Variants in ABCC8 observed in about 807,000 individuals in gnomAD.
ABCC8 encodes the protein ATP-binding cassette sub-family C member 8.
ABCC8 carries 137 observed loss-of-function variants against 188.0 expected under a neutral mutation model. That is an observed-to-expected ratio of 0.73 (90% CI 0.63 to 0.84). The LOEUF (loss-of-function observed/expected upper bound fraction) is 0.84, where lower values mean the gene tolerates loss of function less well. Among genes scored for constraint, ABCC8 ranks in the 40% least tolerant of loss-of-function variants. The pLI, the probability that ABCC8 is intolerant of heterozygous loss-of-function variation, is 0.00. For missense variants in ABCC8, 1,750 were observed against 2,072.7 expected (o/e 0.84, Z 3.02); for synonymous variants, 797 against 846.5 (o/e 0.94, Z 1.01).
At position 17,406,894 on chromosome 11, in the gene ABCC8, G is replaced by A. The variant is rs145811577; in HGVS notation, c.3156C>T (p.Leu1052=). Residue 1052 remains leucine, a synonymous_variant, in exon 25 of 39, where the codon CTC becomes CTT. Coordinates refer to ENST00000389817, the MANE Select transcript of ABCC8 (RefSeq NM_000352.6). The part of the protein sequence containing the change: ...TLTPAARNCS[L]SQECTLDQTV... ...CATGGGCCGCCAGTCACACCTGGCT[G>A]AGGGAGCAGTTCCTGGCTGCAGGGG... is the stretch of plus-strand genomic sequence containing the variant. 6.8e-6 allele frequency: 11 copies of A among 1,614,042 alleles called. No homozygotes were observed. The African/African-American group carries it at 1.2e-4, about 18-fold the overall frequency.
At chr11:17,394,239 G>C in intron 37 of ABCC8, 27 bp downstream of exon 37, 1 of 1,610,664 alleles carries the variant, frequency 6.2e-7, no homozygotes. Flanking sequence ...CCAAGACCAT[G>C]GTCCCATGGA....
At chr11:17,473,549 G>T (rs1336266554) in intron 2 of ABCC8, among the ~76,000 whole-genome samples, 2 of 152,006 alleles carry the variant, frequency 1.3e-5, no homozygotes, top group East Asian at 3.9e-4. Context: ...AGCTCAGGGG[G>T]CGCTGGACCT....
At chr11:17,403,739 GT>G (rs1954365380) in intron 28 of ABCC8, among the ~76,000 whole-genome samples, 1 of 152,014 alleles carries the variant, frequency 6.6e-6, no homozygotes, top group African/African-American at 2.4e-5. Context: ...CAACACAAAG[GT>G]TTCATGAAGC....
At chr11:17,459,801 C>T (rs191786864) in intron 6 of ABCC8, among the ~76,000 whole-genome samples, 3 of 152,298 alleles carry the variant, frequency 2.0e-5, no homozygotes, top group East Asian at 1.9e-4. Flanking sequence ...CAAATAACCC[C>T]GGGGAAAGGT....
rs147666518 is a variant in ABCC8 at position 17,468,474 on chromosome 11, G to A, written c.412+1627C>T. Among the ~76,000 whole-genome samples the A allele has an allele frequency of 3.9e-3, 598 of 152,278 alleles. 3 individuals carry two copies. Among genetic ancestry groups the A allele is most frequent in the African/African-American group, 0.014 (568 of 41,560 alleles). On this transcript the variant is annotated intron_variant, in intron 3 of 38. Transcript: ENST00000389817. The stretch of plus-strand genomic sequence containing the variant: ...TTTACCCCAAGGACGAAGTCTGAGG[G>A]CCCTTAGACACGCAGTCTCAGAAAT...
chr11:17,393,303 A>G, intron 38 of ABCC8, 175 bp from the exon 39 acceptor site: 1 of 849,964 alleles, frequency 1.2e-6, no homozygotes, highest in Non-Finnish European at 1.8e-6. Context: ...CAAGCTCTCC[A>G]TCTGCTAATA....
At chr11:17,398,710 C>T (rs1201683196) in intron 29 of ABCC8, among the ~76,000 whole-genome samples, 1 of 152,298 alleles carries the variant, frequency 6.6e-6, no homozygotes, top group East Asian at 1.9e-4. Context: ...TAAGGGGCAC[C>T]TCCCTTTACC....
Position 17,460,700 on chromosome 11 carries a change from G to C in ABCC8, c.823-24C>G, listed in dbSNP as rs764510056. Reference sequence around the variant, plus strand: ...CGCTGCCCAGAGAGACCATGGCCAGGTCAGAGTGCCTGAGGGCTAATTCAC... The same window carrying C: ...CGCTGCCCAGAGAGACCATGGCCAGCTCAGAGTGCCTGAGGGCTAATTCAC... On this transcript the variant is annotated intron_variant, in intron 5 of 38. Transcript: ENST00000389817. 5 of 1,603,646 alleles carry C rather than the reference G, an allele frequency of 3.1e-6. No individual in the cohort carries two copies. In the Admixed American group the frequency reaches 6.7e-5, roughly 21 times the overall value.
At chr11:17,398,265 C>T (rs1227425108) in intron 30 of ABCC8, 74 bp downstream of exon 30, 1 of 1,567,036 alleles carries the variant, frequency 6.4e-7, no homozygotes, top group African/African-American at 1.4e-5. Context: ...CTCTTTCATC[C>T]CCAGGTACCT....
At chr11:17,414,264 A>T (rs1954956049) in intron 19 of ABCC8, among the ~76,000 whole-genome samples, 1 of 152,160 alleles carries the variant, frequency 6.6e-6, no homozygotes, top group Non-Finnish European at 1.5e-5. Flanking sequence ...AGCTAGAGAA[A>T]AGGCAGCGGG....
rs139429493 is a variant in ABCC8 at position 17,452,988 on chromosome 11, C to A, written c.1176+131G>T. 25 of 926,226 alleles carry A rather than the reference C, an allele frequency of 2.7e-5. No homozygotes were observed. In the African/African-American group the frequency reaches 2.9e-4, roughly 11 times the overall value. 57.4% of individuals were successfully genotyped at this position (926,226 alleles called of 1,614,324 possible). On this transcript the variant is annotated intron_variant, in intron 7 of 38. Coordinates refer to ENST00000389817, the MANE Select transcript of ABCC8 (RefSeq NM_000352.6). ...GTCAATGGTTACTGTTTTAAAACAT[C>A]GTTAATGGGCAACAAAAAATAAATT...
chr11:17,407,243 C>T, intron 24 of ABCC8, 111 bp downstream of exon 24: 8 of 1,609,862 alleles, frequency 5.0e-6, no homozygotes, highest in Non-Finnish European at 6.8e-6. Flanking sequence ...AGAGGGAAGC[C>T]ATTTAATCAA....
In ABCC8 at chr11:17,414,610, C is replaced by T; in HGVS notation, c.2292G>A (p.Arg764=). Residue 764 remains arginine (R), a splice_region_variant and synonymous_variant, in exon 19 of 39, where the codon AGG becomes AGA. Coordinates refer to ENST00000389817, the MANE Select transcript of ABCC8 (RefSeq NM_000352.6). ...AAGCATAGGCCACGGGGCCTCTCTT[C>T]CTGGAAAAAGCAGGGCGGGAGTAGG... ...ERETATDLDI[R]KRGPVAYASQ... 1.9e-6 allele frequency: 3 copies of T among 1,614,202 alleles called. No homozygotes were observed. Among genetic ancestry groups the T allele is most frequent in the African/African-American group, 1.3e-5 (1 of 75,066 alleles).
intron 6 of ABCC8, among the ~76,000 whole-genome samples, chr11:17,458,715 G>A (rs1269598856): frequency 6.6e-6 from 1 of 152,186 alleles, no homozygotes; most frequent in African/African-American, 2.4e-5. Context: ...AGCCATCAAA[G>A]TTTAAATAAG....
rs1346246179 is a variant in ABCC8 at position 17,404,282 on chromosome 11, C to T, written c.3557+230G>A. On this transcript the variant is annotated intron_variant, in intron 28 of 38. Coordinates refer to ENST00000389817, the MANE Select transcript of ABCC8 (RefSeq NM_000352.6). This position sits in a 1 kb window ranked among gnomAD's most constrained non-coding sequence, Gnocchi z 4.7. ...CTAGCAATTCCAGTCCTGACCATAT[C>T]GCCCAAGGAAATAATTCAGATGTCA... Among the ~76,000 whole-genome samples the T allele has an allele frequency of 1.3e-5, 2 of 152,166 alleles. No individual in the cohort carries two copies. Among genetic ancestry groups the T allele is most frequent in the East Asian group, 1.9e-4 (1 of 5,200 alleles).
At chr11:17,414,463 G>C in intron 19 of ABCC8, 49 bp downstream of exon 19, 1 of 1,609,896 alleles carries the variant, frequency 6.2e-7, no homozygotes, top group Non-Finnish European at 8.5e-7. Context: ...AGGCTGGCCA[G>C]AGACAGTTCC....
chr11:17,452,838 T>A (rs1956863367), intron 7 of ABCC8, among the ~76,000 whole-genome samples: 1 of 152,212 alleles, frequency 6.6e-6, no homozygotes, highest in Non-Finnish European at 1.5e-5. Context: ...TAGTGACGTC[T>A]ACCACTTTCA....
At chr11:17,416,085 C>G (rs1304935284) in intron 17 of ABCC8, among the ~76,000 whole-genome samples, 4 of 152,182 alleles carry the variant, frequency 2.6e-5, no homozygotes, top group Non-Finnish European at 5.9e-5. Flanking sequence ...CACATACTGA[C>G]AGTTGGGGAC....
At chr11:17,452,672 G>T (rs1956858209) in intron 7 of ABCC8, among the ~76,000 whole-genome samples, 1 of 152,186 alleles carries the variant, frequency 6.6e-6, no homozygotes, top group Non-Finnish European at 1.5e-5. Flanking sequence ...TCTTAGAGGG[G>T]ACCCTGTCTT....
Sources: allele counts gnomAD v4.1 joint callset (sites outside exome capture counted in the v4.1 genomes callset), GRCh38; gene constraint gnomAD v4.1.1; non-coding constraint Gnocchi (gnomAD v3.1); transcripts MANE v1.5; gene names NCBI Gene and HGNC (gene_info 2026-07-23, HGNC 2026-07-21).